LRMDA: variants seen among roughly 807,000 people sequenced by gnomAD.
The protein encoded by LRMDA is leucine rich melanocyte differentiation associated.
Under a neutral mutation model 29.8 loss-of-function variants are expected in LRMDA, and 18 were observed. The ratio of observed to expected loss-of-function variants is 0.60; its 90% CI spans 0.42 to 0.90. LRMDA has a LOEUF of 0.90. Among genes scored for constraint, LRMDA ranks in the 40% least tolerant of loss-of-function variants. The pLI, the probability that LRMDA is intolerant of heterozygous loss-of-function variation, is 0.00. For missense variants in LRMDA, 273 were observed against 273.9 expected, an observed-to-expected ratio of 1.00 and a Z score of 0.02; for synonymous variants, 125 against 109.4, an observed-to-expected ratio of 1.14 and a Z score of -0.89.
At chr10:75,666,860 AGCTTAAAATTATAAAATTC>A (rs890492504) in intron 2 of LRMDA, among the ~76,000 whole-genome samples, 20 of 152,310 alleles carry the variant, frequency 1.3e-4, no homozygotes, top group Admixed American at 2.6e-4. Flanking sequence ...TTAGGACCTA[AGCTTAAAATTATAAAATTC>A]ACCTATCTGC....
intron 6 of LRMDA, among the ~76,000 whole-genome samples, chr10:76,519,339 A>G (rs1843096053): frequency 6.6e-6 from 1 of 152,208 alleles, no homozygotes. Flanking sequence ...AAGGAGTTGA[A>G]TGGAACTTTT....
chr10:75,901,805 GTTTCCTTTTTAT>G (rs1046107547), intron 2 of LRMDA, among the ~76,000 whole-genome samples: 1 of 152,160 alleles, frequency 6.6e-6, no homozygotes, highest in African/African-American at 2.4e-5. Context: ...GACTGCTGGA[GTTTCCTTTTTAT>G]TTATTTATTT....
At chr10:76,126,503 T>A (rs1040248109) in intron 5 of LRMDA, among the ~76,000 whole-genome samples, 2 of 152,304 alleles carry the variant, frequency 1.3e-5, no homozygotes, top group African/African-American at 4.8e-5. Flanking sequence ...CAATGAAATA[T>A]AGAGAAGAAA....
intron 5 of LRMDA, among the ~76,000 whole-genome samples, chr10:76,197,907 GATACTCCATTTCAAAAAAAA>G (rs1319723895): frequency 1.3e-5 from 2 of 150,650 alleles, no homozygotes; most frequent in African/African-American, 4.9e-5. Context: ...GCAACAGAGA[GATACTCCATTTCAAAAAAAA>G]AAAAAATTGT....
chr10:76,292,118 C>A (rs1231221926), intron 5 of LRMDA, among the ~76,000 whole-genome samples: 1 of 152,118 alleles, frequency 6.6e-6, no homozygotes, highest in Admixed American at 6.6e-5. Flanking sequence ...TGGTGCAGGC[C>A]AAGAGAGGTC....
intron 2 of LRMDA, among the ~76,000 whole-genome samples, chr10:75,716,897 G>A (rs1175218122): frequency 6.6e-6 from 1 of 152,130 alleles, no homozygotes; most frequent in East Asian, 1.9e-4. Flanking sequence ...GAAAAATGAG[G>A]GAGCACAGCA....
At chr10:76,258,025 C>T (rs555128559) in intron 5 of LRMDA, among the ~76,000 whole-genome samples, 1 of 152,334 alleles carries the variant, frequency 6.6e-6, no homozygotes, top group Admixed American at 6.5e-5. Flanking sequence ...CCTTGTATAA[C>T]ATTTGTTAAT....
At chr10:76,459,851 A>T (rs1842494442) in intron 6 of LRMDA, among the ~76,000 whole-genome samples, 2 of 152,172 alleles carry the variant, frequency 1.3e-5, no homozygotes, top group South Asian at 4.1e-4. Flanking sequence ...GTGCTCCCAG[A>T]CATCGTCTCC....
At position 75,438,737 on chromosome 10, in the gene LRMDA, C is replaced by T. The variant is rs540993847; in HGVS notation, c.131+243C>T. ...CATATTGAGCCTCATCCATTTCACA[C>T]GAGTTCCTATGAGAGAGCCGTCATA... On this transcript the variant is annotated intron_variant, in intron 2 of 6. Coordinates refer to ENST00000611255, the MANE Select transcript of LRMDA (RefSeq NM_001305581.2). 5.3e-5 allele frequency among the ~76,000 whole-genome samples: 8 copies of T among 152,302 alleles called. No homozygotes were observed. The East Asian group carries it at 7.7e-4, about 15-fold the overall frequency.
chr10:75,580,360 A>C (rs9416080), intron 2 of LRMDA, among the ~76,000 whole-genome samples: 95,715 of 152,058 alleles, frequency 0.63, 32,391 homozygotes, highest in East Asian at 0.85. Context: ...ATCCAACTTA[A>C]AAGGGATGTG....
chr10:76,440,278 A>T (rs781439541), intron 6 of LRMDA, among the ~76,000 whole-genome samples: 1 of 152,238 alleles, frequency 6.6e-6, no homozygotes, highest in Admixed American at 6.5e-5. Flanking sequence ...AGTGAATGGG[A>T]TGAGTCCTAT....
chr10:76,383,100 G>T (rs1185744906), intron 6 of LRMDA, among the ~76,000 whole-genome samples: 1 of 152,202 alleles, frequency 6.6e-6, no homozygotes, highest in Admixed American at 6.5e-5. Flanking sequence ...ATTGGGCAAT[G>T]GTTTTGGAAT....
At chr10:75,582,021 G>A (rs1272690863) in intron 2 of LRMDA, among the ~76,000 whole-genome samples, 4 of 152,332 alleles carry the variant, frequency 2.6e-5, no homozygotes, top group African/African-American at 4.8e-5. Context: ...GGCTCCCAAG[G>A]TCTTGGGCAG....
chr10:75,573,628 TTC>T (rs1450424758), intron 2 of LRMDA, among the ~76,000 whole-genome samples: 1 of 152,220 alleles, frequency 6.6e-6, no homozygotes, highest in African/African-American at 2.4e-5. Flanking sequence ...GTTCTATTTA[TTC>T]TTTTTAAAAA....
intron 5 of LRMDA, among the ~76,000 whole-genome samples, chr10:76,193,186 G>A (rs1851277051): frequency 6.6e-6 from 1 of 152,184 alleles, no homozygotes; most frequent in Non-Finnish European, 1.5e-5. Flanking sequence ...TGTTAGCAAT[G>A]TGATGGAAGA....
chr10:75,824,621 C>G (rs747442654), intron 2 of LRMDA, among the ~76,000 whole-genome samples: 1 of 152,184 alleles, frequency 6.6e-6, no homozygotes, highest in African/African-American at 2.4e-5. Flanking sequence ...ACCAAGGATT[C>G]TCCTGACACT....
At chr10:75,775,628 T>C (rs908001767) in intron 2 of LRMDA, among the ~76,000 whole-genome samples, 3 of 152,178 alleles carry the variant, frequency 2.0e-5, no homozygotes, top group Non-Finnish European at 2.9e-5. Flanking sequence ...GTAATGAGGA[T>C]GTAAGCAGCT....
chr10:76,160,090 T>A, intron 5 of LRMDA, among the ~76,000 whole-genome samples: 1 of 152,022 alleles, frequency 6.6e-6, no homozygotes, highest in South Asian at 2.1e-4. Context: ...TGGTGGGGGA[T>A]GTTGATAAGG....
chr10:75,824,456 G>T (rs1487511207), intron 2 of LRMDA, among the ~76,000 whole-genome samples: 1 of 152,084 alleles, frequency 6.6e-6, no homozygotes, highest in East Asian at 1.9e-4. Flanking sequence ...TATATAGCTC[G>T]CAAAACCTAG....
Sources: allele counts gnomAD v4.1 joint callset (sites outside exome capture counted in the v4.1 genomes callset), GRCh38; gene constraint gnomAD v4.1.1; transcripts MANE v1.5; gene names NCBI Gene and HGNC (gene_info 2026-07-23, HGNC 2026-07-21).